Variants in EDNRA observed in about 807,000 individuals in gnomAD.
EDNRA encodes the protein endothelin-1 receptor.
EDNRA carries 11 observed loss-of-function variants against 41.4 expected under a neutral mutation model. The ratio of observed to expected loss-of-function variants is 0.27; its 90% CI spans 0.17 to 0.44. EDNRA has a LOEUF of 0.44. Ranked by LOEUF, EDNRA falls within the 20% of genes least tolerant of loss-of-function variation. The pLI is 1.00. For missense variants in EDNRA, 294 were observed against 531.0 expected (o/e 0.55, Z 4.39); for synonymous variants, 172 against 183.0 (o/e 0.94, Z 0.49).
At chr4:147,487,519 A>G (rs1307676564) in intron 2 of EDNRA, among the ~76,000 whole-genome samples, 1 of 152,334 alleles carries the variant, frequency 6.6e-6, no homozygotes. Flanking sequence ...AAGAGGTAAT[A>G]TTCTGAAATA....
intron 1 of EDNRA, among the ~76,000 whole-genome samples, chr4:147,482,311 T>C (rs537869535): frequency 2.2e-4 from 33 of 152,350 alleles, no homozygotes; most frequent in African/African-American, 7.2e-4. Context: ...GAGTCTCATA[T>C]GTTAAATGGT....
At chr4:147,518,170 T>C (rs929632781) in intron 2 of EDNRA, among the ~76,000 whole-genome samples, 4 of 152,228 alleles carry the variant, frequency 2.6e-5, no homozygotes, top group Non-Finnish European at 5.9e-5. Flanking sequence ...TAAATTCTTA[T>C]TCTATAAAAA....
At chr4:147,534,645 A>G (rs1437141851) in intron 4 of EDNRA, among the ~76,000 whole-genome samples, 1 of 152,148 alleles carries the variant, frequency 6.6e-6, no homozygotes, top group African/African-American at 2.4e-5. Flanking sequence ...GAACTTCAAC[A>G]CTTCAACAGT....
In EDNRA at chr4:147,505,327, A is replaced by ATTTTTTTTTTTTTT. The variant is rs869077171; in HGVS notation, c.421-14509_421-14496dup. ...AGAGAGTTTGGCAGTTTCTTTTTTC[A>ATTTTTTTTTTTTTT]TTTTTTTTTTTTTTTTTTTTTTTTT... On this transcript the variant is annotated intron_variant, in intron 2 of 7. Transcript: ENST00000651419. 5.8e-4 allele frequency among the ~76,000 whole-genome samples: 46 copies of ATTTTTTTTTTTTTT among 79,684 alleles called. 5 individuals carry two copies. The highest frequency in any genetic ancestry group is 1.6e-3 in the African/African-American group (30 of 18,900). The allele number at this position is 79,684 out of a possible 152,430, so 52.3% of individuals were successfully genotyped here. A position where few individuals can be genotyped will look rare whatever the true frequency, so the allele number is the denominator to read the frequency against.
At chr4:147,527,177 C>T (rs913346760) in intron 3 of EDNRA, among the ~76,000 whole-genome samples, 1 of 152,152 alleles carries the variant, frequency 6.6e-6, no homozygotes, top group African/African-American at 2.4e-5. Context: ...AAACTTCTTT[C>T]TTAAGGCACT....
intron 2 of EDNRA, among the ~76,000 whole-genome samples, chr4:147,500,518 G>A (rs1243907474): frequency 1.3e-5 from 2 of 152,132 alleles, no homozygotes; most frequent in African/African-American, 4.8e-5. Flanking sequence ...ATAAGTTCGA[G>A]ACTAGCCAGA....
At chr4:147,523,680 CG>C (rs1471462978) in intron 3 of EDNRA, among the ~76,000 whole-genome samples, 1 of 151,730 alleles carries the variant, frequency 6.6e-6, no homozygotes, top group South Asian at 2.1e-4. Flanking sequence ...TTAGTAGAGA[CG>C]GGGTTTCACC....
chr4:147,517,651 C>A (rs1375655548), intron 2 of EDNRA, among the ~76,000 whole-genome samples: 1 of 152,160 alleles, frequency 6.6e-6, no homozygotes, highest in Non-Finnish European at 1.5e-5. Flanking sequence ...AGAATCAATG[C>A]TCACTCCTAG....
chr4:147,532,195 A>G (rs13121537), intron 3 of EDNRA, among the ~76,000 whole-genome samples: 49,576 of 127,600 alleles, frequency 0.39, 9,826 homozygotes, highest in African/African-American at 0.59. Context: ...GCGTGGTGGC[A>G]GGCGCCTGTA....
At chr4:147,541,092 A>G (rs1189682150) in intron 7 of EDNRA, among the ~76,000 whole-genome samples, 1 of 151,100 alleles carries the variant, frequency 6.6e-6, no homozygotes, top group Non-Finnish European at 1.5e-5. Context: ...AAAAAAAAAA[A>G]AAAGAAAGGT....
intron 2 of EDNRA, among the ~76,000 whole-genome samples, chr4:147,504,218 T>C (rs1729611122): frequency 6.6e-6 from 1 of 152,204 alleles, no homozygotes. Context: ...ATCAAAACTC[T>C]CCCATTGGCA....
intron 3 of EDNRA, among the ~76,000 whole-genome samples, chr4:147,523,006 T>C (rs1339175336): frequency 2.0e-5 from 3 of 152,354 alleles, no homozygotes; most frequent in Admixed American, 6.5e-5. Flanking sequence ...TGCTTCCACG[T>C]CACAGGTGGA....
At chr4:147,503,627 T>C (rs1167868516) in intron 2 of EDNRA, among the ~76,000 whole-genome samples, 1 of 152,202 alleles carries the variant, frequency 6.6e-6, no homozygotes, top group Non-Finnish European at 1.5e-5. Context: ...AAATACAGAT[T>C]GTAATTTTTT....
At chr4:147,497,791 C>T (rs186198972) in intron 2 of EDNRA, among the ~76,000 whole-genome samples, 134 of 152,244 alleles carry the variant, frequency 8.8e-4, no homozygotes, top group Middle Eastern at 6.8e-3. Flanking sequence ...CCAGGACGGT[C>T]TGCATCTCCT....
chr4:147,532,383 T>A, intron 3 of EDNRA, 123 bp from the exon 4 acceptor site: 69 of 616,258 alleles, frequency 1.1e-4, no homozygotes, highest in Middle Eastern at 7.7e-4. Context: ...ACTCAGAAAA[T>A]TCCTAAAAAG....
chr4:147,519,770 G>C lies in EDNRA; in HGVS notation c.421-81G>C. ...CACTGTGAATAAAATTTAGAAGTTGGGACGCATAACTAAAACTGTAAGTGC... is the reference window on the plus strand; with the variant it reads ...CACTGTGAATAAAATTTAGAAGTTGCGACGCATAACTAAAACTGTAAGTGC... On this transcript the variant is annotated intron_variant, in intron 2 of 7. Transcript: ENST00000651419. This position sits in a 1 kb window ranked among gnomAD's most constrained non-coding sequence, Gnocchi z 4.1. 1 of 1,485,254 alleles carries C rather than the reference G, an allele frequency of 6.7e-7. No individual in the cohort carries two copies. Among genetic ancestry groups the C allele is most frequent in the Admixed American group, 2.1e-5 (1 of 47,610 alleles). 92.0% of individuals were successfully genotyped at this position (1,485,254 alleles called of 1,614,324 possible). A position where few individuals can be genotyped will look rare whatever the true frequency, so the allele number is the denominator to read the frequency against.
chr4:147,528,156 C>G (rs1218696278), intron 3 of EDNRA, among the ~76,000 whole-genome samples: 1 of 152,034 alleles, frequency 6.6e-6, no homozygotes, highest in African/African-American at 2.4e-5. Context: ...CCAGAATTCC[C>G]TAGAGATTAA....
At chr4:147,512,047 C>A (rs913638136) in intron 2 of EDNRA, among the ~76,000 whole-genome samples, 2 of 152,192 alleles carry the variant, frequency 1.3e-5, no homozygotes, top group Admixed American at 1.3e-4. Flanking sequence ...TATTGACACA[C>A]ACAATCAGCA....
chr4:147,516,624 T>C (rs1324131249), intron 2 of EDNRA, among the ~76,000 whole-genome samples: 1 of 152,196 alleles, frequency 6.6e-6, no homozygotes, highest in Non-Finnish European at 1.5e-5. Flanking sequence ...CATAGACTCT[T>C]GTAGCAAAAA....
Sources: gnomAD v4.1 joint callset for allele counts (sites outside exome capture counted in the v4.1 genomes callset) on GRCh38, gnomAD v4.1.1 for gene constraint, Gnocchi (gnomAD v3.1) non-coding constraint, MANE v1.5 for transcripts, NCBI Gene and HGNC (gene_info 2026-07-23, HGNC 2026-07-21) for gene names.